Variants in ATP10B observed in about 807,000 individuals in gnomAD.
The protein encoded by ATP10B is ATPase phospholipid transporting 10B (putative).
A neutral mutation model predicts 141.2 loss-of-function variants in ATP10B; 122 were observed. That is an observed-to-expected ratio of 0.86 (90% CI 0.75 to 1.00). The LOEUF (loss-of-function observed/expected upper bound fraction) is 1.00, where lower values mean the gene tolerates loss of function less well. Ranked by LOEUF, ATP10B falls within the 50% of genes least tolerant of loss-of-function variation. ATP10B has a pLI of 0.00. For missense variants in ATP10B, 1,876 were observed against 1,825.3 expected (o/e 1.03, Z -0.51); for synonymous variants, 685 against 692.0 (o/e 0.99, Z 0.16).
At chr5:160,724,222 A>T (rs1204739453) in intron 2 of ATP10B, among the ~76,000 whole-genome samples, 4 of 150,512 alleles carry the variant, frequency 2.7e-5, no homozygotes, top group Non-Finnish European at 5.9e-5. Flanking sequence ...AACCCCCATG[A>T]CACAAGTTTA....
intron 24 of ATP10B, among the ~76,000 whole-genome samples, chr5:160,578,369 T>C (rs1279074893): frequency 6.6e-6 from 1 of 152,158 alleles, no homozygotes; most frequent in East Asian, 1.9e-4. Flanking sequence ...CCCAAGTGTG[T>C]GATGTTGCCC....
In ATP10B at chr5:160,565,555, C is replaced by T. The variant is rs1489594021; in HGVS notation, c.4284G>A (p.Leu1428=). ...SAQLSSGEHL[L]GPNRIMAYSR... is the part of the protein sequence containing the mutation. Reference sequence around the variant, plus strand: ...AGTAGGCCATTATCCTGTTAGGTCCCAGCAGGTGCTCCCCGGATGAGAGTT... The same window carrying T: ...AGTAGGCCATTATCCTGTTAGGTCCTAGCAGGTGCTCCCCGGATGAGAGTT... Residue 1428 remains leucine (L), a synonymous_variant, in exon 26 of 26, where the codon CTG becomes CTA. Coordinates refer to ENST00000327245, the MANE Select transcript of ATP10B (RefSeq NM_025153.3). The T allele has an allele frequency of 4.3e-6, 7 of 1,614,014 alleles. No homozygotes were observed. The highest frequency in any genetic ancestry group is 5.9e-6 in the Non-Finnish European group (7 of 1,179,998).
chr5:160,786,312 T>G (rs531860273), intron 1 of ATP10B, among the ~76,000 whole-genome samples: 1 of 152,300 alleles, frequency 6.6e-6, no homozygotes, highest in Non-Finnish European at 1.5e-5. Flanking sequence ...GCTTTGATGT[T>G]ATTTGGACCC....
chr5:160,768,723 C>A (rs1397661293), intron 2 of ATP10B, among the ~76,000 whole-genome samples: 1 of 152,168 alleles, frequency 6.6e-6, no homozygotes, highest in East Asian at 1.9e-4. Flanking sequence ...GATTTCCCAG[C>A]AAGTTACCCA....
intron 3 of ATP10B, among the ~76,000 whole-genome samples, chr5:160,697,323 T>C (rs1337260709): frequency 6.6e-6 from 1 of 152,146 alleles, no homozygotes; most frequent in African/African-American, 2.4e-5. Flanking sequence ...AGCGGAGACC[T>C]TATTCTGCAG....
intron 3 of ATP10B, among the ~76,000 whole-genome samples, chr5:160,708,906 T>C (rs1448835726): frequency 2.0e-5 from 3 of 152,128 alleles, no homozygotes; most frequent in Non-Finnish European, 4.4e-5. Flanking sequence ...TCAGACAGTG[T>C]ATATTGGCAC....
the ATP10B span, among the ~76,000 whole-genome samples, chr5:160,859,769 G>A: frequency 2.0e-5 from 3 of 151,800 alleles, no homozygotes; most frequent in Admixed American, 6.6e-5. Context: ...TAGTATGGCC[G>A]TCAGGTATGC....
At chr5:160,767,824 C>T (rs545746931) in intron 2 of ATP10B, among the ~76,000 whole-genome samples, 3 of 152,176 alleles carry the variant, frequency 2.0e-5, no homozygotes, top group South Asian at 2.1e-4. Flanking sequence ...GCTGTTTTTC[C>T]ACTATGAGTA....
At chr5:160,846,513 G>T (rs546995765) in intron 1 of ATP10B, among the ~76,000 whole-genome samples, 2 of 152,018 alleles carry the variant, frequency 1.3e-5, no homozygotes, top group Admixed American at 6.6e-5. Context: ...GCTTCTGATC[G>T]CCAAGCTAGT....
At chr5:160,814,096 G>A (rs550399410) in intron 1 of ATP10B, among the ~76,000 whole-genome samples, 28 of 152,332 alleles carry the variant, frequency 1.8e-4, no homozygotes, top group South Asian at 4.1e-4. Context: ...TCGAAGGAAC[G>A]CAGCTCTTCA....
rs1181077522 is a variant in ATP10B, at chr5:160,755,838, AATATAT to A, written c.-331+29715_-331+29720del. ...TCAAAAAAAAAAAAAAAAAAAAAAAAATATATATATATATATATATATATATATATA... is the reference window on the plus strand; with the variant it reads ...TCAAAAAAAAAAAAAAAAAAAAAAAAATATATATATATATATATATATATA... On this transcript the variant is annotated intron_variant, in intron 2 of 25. Transcript: ENST00000327245. Among the ~76,000 whole-genome samples, 429 of 45,362 alleles carry A rather than the reference AATATAT, an allele frequency of 9.5e-3. 4 individuals carry two copies. The highest frequency in any genetic ancestry group is 0.012 in the African/African-American group (161 of 13,528). 29.8% of individuals were successfully genotyped at this position (45,362 alleles called of 152,430 possible).
chr5:160,834,131 C>T (rs181625271), intron 1 of ATP10B, among the ~76,000 whole-genome samples: 2 of 151,990 alleles, frequency 1.3e-5, no homozygotes, highest in African/African-American at 4.8e-5. Flanking sequence ...TTGAGAACAG[C>T]TTGGCCAACA....
rs114546470 is a variant in ATP10B at position 160,791,909 on chromosome 5, C to G, written c.-575-6106G>C. Among the ~76,000 whole-genome samples, 1,417 of 152,180 alleles carry G rather than the reference C, an allele frequency of 9.3e-3. 7 individuals are homozygous for G. Among genetic ancestry groups the G allele is most frequent in the Non-Finnish European group, 0.015 (1,045 of 67,986 alleles). ...TTTTGTGGGATTACTGGATGGTTCT[C>G]AAAGGGCCACAGCTATGAAAATGAC... On this transcript the variant is annotated intron_variant, in intron 1 of 25. Transcript: ENST00000327245.
chr5:160,583,544 A>G (rs6888432), intron 24 of ATP10B, among the ~76,000 whole-genome samples: 118,122 of 152,178 alleles, frequency 0.78, 45,954 homozygotes, highest in East Asian at 0.85. Context: ...ACTGGAGGAG[A>G]CAGTCTGTCC....
In ATP10B at chr5:160,563,784, C is replaced by T. The variant is rs946662713; in HGVS notation, c.*1669G>A. On this transcript the variant is annotated 3_prime_UTR_variant, in exon 26 of 26. Coordinates refer to ENST00000327245, the MANE Select transcript of ATP10B (RefSeq NM_025153.3). ...GGGAAAAATTGAGGTACCTGAGATC[C>T]AAGTTTTGACTCAATCCCCTCACTG... 2.6e-5 allele frequency: 4 copies of T among 152,072 alleles called. No homozygotes were observed. The highest frequency in any genetic ancestry group is 5.9e-5 in the Non-Finnish European group (4 of 68,012). The allele number at this position is 152,072 out of a possible 1,614,324, so 9.4% of individuals were successfully genotyped here.
At chr5:160,622,697 A>C in intron 13 of ATP10B, 112 bp from the exon 14 acceptor site, 1 of 1,036,880 alleles carries the variant, frequency 9.6e-7, no homozygotes, top group Non-Finnish European at 1.4e-6. Flanking sequence ...TCTTGCATCC[A>C]GCATGTTTTC....
At chr5:160,722,721 A>C (rs1766071665) in intron 2 of ATP10B, among the ~76,000 whole-genome samples, 1 of 152,214 alleles carries the variant, frequency 6.6e-6, no homozygotes, top group Admixed American at 6.5e-5. Context: ...CACCCTGACA[A>C]GGGGCCTCCA....
At chr5:160,758,720 GCCTGGTT>G (rs1768815838) in intron 2 of ATP10B, among the ~76,000 whole-genome samples, 1 of 152,140 alleles carries the variant, frequency 6.6e-6, no homozygotes, top group Non-Finnish European at 1.5e-5. Flanking sequence ...CCCTTTTGGG[GCCTGGTT>G]ATTCCTCCTG....
intron 2 of ATP10B, among the ~76,000 whole-genome samples, chr5:160,760,552 G>A (rs1052952171): frequency 1.3e-5 from 2 of 152,088 alleles, no homozygotes; most frequent in Non-Finnish European, 2.9e-5. Context: ...TCCAATTAAG[G>A]TCATTAAAAG....
Sources: gnomAD v4.1 joint callset for allele counts (sites outside exome capture counted in the v4.1 genomes callset) on GRCh38, gnomAD v4.1.1 for gene constraint, MANE v1.5 for transcripts, NCBI Gene and HGNC (gene_info 2026-07-23, HGNC 2026-07-21) for gene names.